The following CYTH3 variants were observed in gnomAD, a reference collection of about 807,000 sequenced individuals.
The protein encoded by CYTH3 is cytohesin 3, also known as cytohesin-3.
A neutral mutation model predicts 55.1 loss-of-function variants in CYTH3; 23 were observed. That is an observed-to-expected ratio of 0.42 (90% confidence interval 0.30 to 0.59). CYTH3 has a LOEUF of 0.59. Ranked by LOEUF, CYTH3 falls within the 20% of genes least tolerant of loss-of-function variation. The probability of loss-of-function intolerance (pLI) is 0.20; values close to 1 mark genes in which losing one functional copy is unlikely to be tolerated. For synonymous variants in CYTH3, 249 were observed against 194.9 expected, an observed-to-expected ratio of 1.28 and a Z score of -2.31; for missense variants, 413 against 524.8, an observed-to-expected ratio of 0.79 and a Z score of 2.08.
At chr7:6,191,528 G>A (rs1783803792) in intron 1 of CYTH3, among the ~76,000 whole-genome samples, 1 of 150,862 alleles carries the variant, frequency 6.6e-6, no homozygotes, top group South Asian at 2.1e-4. Flanking sequence ...AAGGGGAAAC[G>A]CTACACAATT....
intron 1 of CYTH3, chr7:6,212,668 G>C (rs1476640453): frequency 2.0e-5 from 3 of 152,136 alleles, no homozygotes; most frequent in Non-Finnish European, 2.9e-5. Flanking sequence ...TAGTGAGAAG[G>C]GAGGAAAGAG....
chr7:6,227,061 C>A (rs1250753515), intron 1 of CYTH3, among the ~76,000 whole-genome samples: 1 of 136,672 alleles, frequency 7.3e-6, no homozygotes, highest in East Asian at 2.1e-4. Flanking sequence ...GCCTGGGCAA[C>A]AGAGCAAGAC....
chr7:6,241,661 G>A (rs1779675776), intron 1 of CYTH3, among the ~76,000 whole-genome samples: 1 of 152,084 alleles, frequency 6.6e-6, no homozygotes, highest in Non-Finnish European at 1.5e-5. Context: ...CATCAATAAG[G>A]TACTGGATAA....
chr7:6,205,845 AC>A (rs1328338294), intron 1 of CYTH3, among the ~76,000 whole-genome samples: 1 of 139,548 alleles, frequency 7.2e-6, no homozygotes. Flanking sequence ...CTGCACTCTA[AC>A]CTGGGTGACA....
rs1324951248 is a variant in CYTH3 at position 6,162,202 on chromosome 7, C to T, written c.*2742G>A. The T allele has an allele frequency of 6.6e-6, 1 of 152,426 alleles. No homozygotes were observed. The highest frequency in any genetic ancestry group is 6.5e-5 in the Admixed American group (1 of 15,276). 9.4% of individuals were successfully genotyped at this position (152,426 alleles called of 1,614,324 possible). On this transcript the variant is annotated 3_prime_UTR_variant, in exon 13 of 13. Coordinates refer to ENST00000350796, the MANE Select transcript of CYTH3 (RefSeq NM_004227.4). The stretch of plus-strand genomic sequence containing the variant: ...TAAACTGCCCCAAAATGTTCTGTGA[C>T]CCCAAAGACACAAAGTTGCTGCTTA...
At chr7:6,217,765 T>C (rs921508197) in intron 1 of CYTH3, among the ~76,000 whole-genome samples, 5 of 152,018 alleles carry the variant, frequency 3.3e-5, no homozygotes, top group South Asian at 2.1e-4. Context: ...CCACAGAAAA[T>C]TGTAGTAGGC....
At chr7:6,261,132 G>T (rs912156923) in intron 1 of CYTH3, among the ~76,000 whole-genome samples, 2 of 152,162 alleles carry the variant, frequency 1.3e-5, no homozygotes, top group Non-Finnish European at 2.9e-5. Flanking sequence ...GAAAAGGGGA[G>T]TGCAGAAAAG....
At chr7:6,165,456 T>A (rs1192653773) in intron 11 of CYTH3, 29 bp from the exon 12 acceptor site, 1 of 1,608,990 alleles carries the variant, frequency 6.2e-7, no homozygotes, top group Non-Finnish European at 8.5e-7. Context: ...GGGGAGGCGG[T>A]CAGGGGGGCT....
intron 1 of CYTH3, among the ~76,000 whole-genome samples, chr7:6,216,861 G>GAA (rs71549612): frequency 0.039 from 3,691 of 95,604 alleles, 79 homozygotes; most frequent in Middle Eastern, 0.093. Context: ...AGCTGAACAG[G>GAA]AAAAAAAAAA....
intron 3 of CYTH3, 121 bp from the exon 4 acceptor site, chr7:6,187,237 AC>A (rs1166125215): frequency 4.8e-6 from 5 of 1,052,018 alleles, no homozygotes; most frequent in Non-Finnish European, 7.2e-6. Context: ...ACAGGCCCTC[AC>A]GGAGGGGCCC....
At chr7:6,255,377 AT>A (rs1780071668) in intron 1 of CYTH3, among the ~76,000 whole-genome samples, 1 of 152,234 alleles carries the variant, frequency 6.6e-6, no homozygotes, top group South Asian at 2.1e-4. Context: ...AATATCCTCA[AT>A]GGCTGACCTG....
Position 6,164,521 on chromosome 7 carries a change from T to A in CYTH3, c.*423A>T, listed in dbSNP as rs1782928179. On this transcript the variant is annotated 3_prime_UTR_variant, in exon 13 of 13. Coordinates refer to ENST00000350796, the MANE Select transcript of CYTH3 (RefSeq NM_004227.4). ...CTAGAACGGTTAATACTGCCCCGAG[T>A]GAATGCGTTTGGCATGGTACGAATG... is the stretch of plus-strand genomic sequence containing the variant. 5.5e-6 allele frequency: 1 copy of A among 181,418 alleles called. No homozygotes were observed. The highest frequency in any genetic ancestry group is 1.1e-5 in the Non-Finnish European group (1 of 87,488). The allele number at this position is 181,418 out of a possible 1,614,324, so 11.2% of individuals were successfully genotyped here.
At chr7:6,184,095 C>G (rs1583755529) in intron 4 of CYTH3, among the ~76,000 whole-genome samples, 1 of 107,814 alleles carries the variant, frequency 9.3e-6, no homozygotes. Context: ...GAGTCTCGCT[C>G]TGTCGCCCAG....
chr7:6,208,258 A>G (rs973993336), intron 1 of CYTH3, among the ~76,000 whole-genome samples: 13 of 152,214 alleles, frequency 8.5e-5, no homozygotes, highest in Admixed American at 1.3e-4. Flanking sequence ...ACATGGTGTT[A>G]CATGTAAAAC....
chr7:6,235,126 T>A (rs1003645380), intron 1 of CYTH3, among the ~76,000 whole-genome samples: 1 of 152,178 alleles, frequency 6.6e-6, no homozygotes, highest in African/African-American at 2.4e-5. Flanking sequence ...CTGTCACTTA[T>A]CCTTTAAGGC....
chr7:6,185,505 G>A lies in CYTH3; in HGVS notation c.249+1545C>T, dbSNP rs561174371. On this transcript the variant is annotated intron_variant, in intron 4 of 12. Coordinates refer to ENST00000350796, the MANE Select transcript of CYTH3 (RefSeq NM_004227.4). ...AGGTCAGGAGATCGAGACCATCCTA[G>A]CTAACACAGTGAAACCCCGTCTCTA... 1.9e-3 allele frequency among the ~76,000 whole-genome samples: 292 copies of A among 152,168 alleles called. 2 individuals are homozygous for A. The highest frequency in any genetic ancestry group is 3.3e-3 in the Non-Finnish European group (224 of 67,996).
intron 1 of CYTH3, among the ~76,000 whole-genome samples, chr7:6,243,535 A>T (rs1779728055): frequency 6.6e-6 from 1 of 152,204 alleles, no homozygotes; most frequent in African/African-American, 2.4e-5. Flanking sequence ...GGCAGGTGGC[A>T]TCTTAAGGGG....
At position 6,170,498 on chromosome 7, in the gene CYTH3, G is replaced by GGGGTCACGCCC; in HGVS notation, c.823+26_823+36dup. 1 of 1,587,830 alleles carries GGGGTCACGCCC rather than the reference G, an allele frequency of 6.3e-7. No individual in the cohort carries two copies. Among genetic ancestry groups the GGGGTCACGCCC allele is most frequent in the Non-Finnish European group, 8.6e-7 (1 of 1,159,038 alleles). On this transcript the variant is annotated intron_variant, in intron 9 of 12. Coordinates refer to ENST00000350796, the MANE Select transcript of CYTH3 (RefSeq NM_004227.4). The surrounding 1 kb of genome is among the most constrained non-coding windows in gnomAD (Gnocchi z 7.8). ...CCGAGGGGCTGCTGCCATGGGCAGA[G>GGGGTCACGCCC]GGGTCACGCCCGGGTCCCGCTGGGC...
chr7:6,229,425 G>C (rs950740412), intron 1 of CYTH3, among the ~76,000 whole-genome samples: 5 of 152,080 alleles, frequency 3.3e-5, no homozygotes, highest in African/African-American at 1.2e-4. Context: ...AGCAACAGTG[G>C]TCCACCGCCC....
Sources: allele counts gnomAD v4.1 joint callset (sites outside exome capture counted in the v4.1 genomes callset), GRCh38; gene constraint gnomAD v4.1.1; non-coding constraint Gnocchi (gnomAD v3.1); transcripts MANE v1.5; gene names NCBI Gene and HGNC (gene_info 2026-07-23, HGNC 2026-07-21).